The following SLC22A24 variants were observed in gnomAD, a reference collection of about 807,000 sequenced individuals.
The protein encoded by SLC22A24 is steroid transmembrane transporter SLC22A24.
Under a neutral mutation model 49.8 loss-of-function variants are expected in SLC22A24, and 53 were observed. That is an observed-to-expected ratio of 1.06 (90% CI 0.85 to 1.34). SLC22A24 has a LOEUF of 1.34. Ranked by LOEUF, SLC22A24 falls within the 40% of genes most tolerant of loss-of-function variation. SLC22A24 has a pLI of 0.00. For missense variants in SLC22A24, 786 were observed against 675.9 expected, an observed-to-expected ratio of 1.16 and a Z score of -1.81; for synonymous variants, 302 against 256.4, an observed-to-expected ratio of 1.18 and a Z score of -1.70.
intron 2 of SLC22A24, among the ~76,000 whole-genome samples, chr11:63,124,996 T>C (rs2087278770): frequency 6.6e-6 from 1 of 151,836 alleles, no homozygotes; most frequent in Non-Finnish European, 1.5e-5. Context: ...GAGATATACC[T>C]AATGCTAAAT....
intron 4 of SLC22A24, among the ~76,000 whole-genome samples, chr11:63,109,791 G>T (rs1382915600): frequency 4.6e-5 from 7 of 152,032 alleles, no homozygotes; most frequent in East Asian, 1.9e-4. Flanking sequence ...CTCCCATTTT[G>T]TAGGTTGCCT....
intron 1 of SLC22A24, among the ~76,000 whole-genome samples, chr11:63,140,919 G>T (rs908611759): frequency 1.3e-5 from 2 of 152,126 alleles, no homozygotes; most frequent in African/African-American, 4.8e-5. Flanking sequence ...AAAGTGAAAA[G>T]GTTTTGTAAA....
chr11:63,138,222 C>T (rs2087388920), intron 1 of SLC22A24, among the ~76,000 whole-genome samples: 1 of 152,134 alleles, frequency 6.6e-6, no homozygotes, highest in Non-Finnish European at 1.5e-5. Flanking sequence ...TCCTTAAGAG[C>T]TCAACCTTGT....
chr11:63,084,479 A>G (rs2086976527), intron 6 of SLC22A24, among the ~76,000 whole-genome samples: 1 of 152,160 alleles, frequency 6.6e-6, no homozygotes, highest in Admixed American at 6.6e-5. Context: ...AGCCAAATTG[A>G]TTAGCAGGGC....
At chr11:63,089,953 C>G (rs367820577) in intron 6 of SLC22A24, among the ~76,000 whole-genome samples, 1 of 151,428 alleles carries the variant, frequency 6.6e-6, no homozygotes, top group Non-Finnish European at 1.5e-5. Flanking sequence ...TGGTGGTGGG[C>G]GCCTGTCGTC....
In SLC22A24 at chr11:63,111,604, C is replaced by T. The variant is rs1201246189; in HGVS notation, c.831-7306G>A. 2.6e-5 allele frequency among the ~76,000 whole-genome samples: 4 copies of T among 151,404 alleles called. No individual in the cohort carries two copies. In the East Asian group the frequency reaches 5.8e-4, roughly 22 times the overall value. Reference sequence around the variant, plus strand: ...AGAGTGTATGTGTCGAGGAATTTATCCATTTCTTCTAGATTTTCTAGTTTA... The same window carrying T: ...AGAGTGTATGTGTCGAGGAATTTATTCATTTCTTCTAGATTTTCTAGTTTA... On this transcript the variant is annotated intron_variant, in intron 4 of 9. Transcript: ENST00000612278.
intron 4 of SLC22A24, among the ~76,000 whole-genome samples, chr11:63,105,932 A>G (rs2134652954): frequency 6.6e-6 from 1 of 151,998 alleles, no homozygotes; most frequent in East Asian, 1.9e-4. Flanking sequence ...TTTTCTTTTA[A>G]ATTTTATTAT....
chr11:63,110,291 G>A (rs928823320), intron 4 of SLC22A24, among the ~76,000 whole-genome samples: 15 of 152,030 alleles, frequency 9.9e-5, no homozygotes, highest in South Asian at 8.3e-4. Flanking sequence ...TGATGCCTCT[G>A]GCTTTGTTCT....
intron 5 of SLC22A24, among the ~76,000 whole-genome samples, chr11:63,098,140 G>T (rs1398457106): frequency 6.6e-6 from 1 of 152,008 alleles, no homozygotes; most frequent in African/African-American, 2.4e-5. Flanking sequence ...TACCACAGTG[G>T]AATAAAACTA....
intron 2 of SLC22A24, among the ~76,000 whole-genome samples, chr11:63,132,340 A>C (rs1481705366): frequency 6.6e-6 from 1 of 152,144 alleles, no homozygotes; most frequent in African/African-American, 2.4e-5. Context: ...AGCAGCTGTG[A>C]ACCTTTGGAG....
chr11:63,090,290 TAGAC>T (rs1317171241), intron 6 of SLC22A24, among the ~76,000 whole-genome samples: 4 of 151,810 alleles, frequency 2.6e-5, no homozygotes, highest in Non-Finnish European at 4.4e-5. Flanking sequence ...CTGTCAATAT[TAGAC>T]AGAGCAACAA....
At chr11:63,117,358 T>G (rs1181183201) in intron 4 of SLC22A24, among the ~76,000 whole-genome samples, 1 of 152,192 alleles carries the variant, frequency 6.6e-6, no homozygotes, top group Admixed American at 6.5e-5. Context: ...GCTCAGCTAT[T>G]AAGTTAGTTG....
intron 6 of SLC22A24, among the ~76,000 whole-genome samples, chr11:63,084,646 A>C (rs2086977375): frequency 1.3e-5 from 2 of 152,194 alleles, no homozygotes; most frequent in South Asian, 4.1e-4. Flanking sequence ...CATGCCCAGC[A>C]TCCAACAGTT....
At chr11:63,102,418 A>C (rs1005530121) in intron 5 of SLC22A24, among the ~76,000 whole-genome samples, 1 of 152,142 alleles carries the variant, frequency 6.6e-6, no homozygotes, top group Non-Finnish European at 1.5e-5. Context: ...TAGGATACTC[A>C]GATGCACTGG....
intron 4 of SLC22A24, among the ~76,000 whole-genome samples, chr11:63,106,067 G>C: frequency 6.7e-6 from 1 of 149,862 alleles, no homozygotes; most frequent in South Asian, 2.2e-4. Flanking sequence ...ATCTCCTAAA[G>C]CTATCCCTCC....
intron 2 of SLC22A24, among the ~76,000 whole-genome samples, chr11:63,120,754 G>C (rs2087246186): frequency 6.6e-6 from 1 of 151,992 alleles, no homozygotes; most frequent in Non-Finnish European, 1.5e-5. Context: ...TGTTACCCTA[G>C]TAGTATATTT....
Position 63,143,715 on chromosome 11 carries a change from G to A in SLC22A24, c.65C>T (p.Ala22Val). 6.5e-7 allele frequency: 1 copy of A among 1,532,222 alleles called. No individual in the cohort carries two copies. Among genetic ancestry groups the A allele is most frequent in the Non-Finnish European group, 8.8e-7 (1 of 1,140,836 alleles). 94.9% of individuals were successfully genotyped at this position (1,532,222 alleles called of 1,614,324 possible). A position where few individuals can be genotyped will look rare whatever the true frequency, so the allele number is the denominator to read the frequency against. ...GMGRFQICLIAFFCITNILLF... is the reference protein window; with the variant it reads ...GMGRFQICLIVFFCITNILLF... ...TAGGATGTTGGTGATGCAAAAGAAA[G>A]CTATCAGACAAATCTGGAATCTCCC... Residue 22 changes from alanine to valine, a missense_variant, in exon 1 of 10, where the codon GCT (alanine) becomes GTT (valine). Coordinates refer to ENST00000612278, the MANE Select transcript of SLC22A24 (RefSeq NM_001136506.2).
chr11:63,101,952 G>A (rs779031066), intron 5 of SLC22A24, among the ~76,000 whole-genome samples: 3 of 152,066 alleles, frequency 2.0e-5, no homozygotes, highest in Non-Finnish European at 4.4e-5. Flanking sequence ...AAGGGTAGTT[G>A]TGGAGGGGGA....
chr11:63,143,284 T>A (rs958707622), intron 1 of SLC22A24, 94 bp downstream of exon 1: 1 of 1,101,664 alleles, frequency 9.1e-7, no homozygotes, highest in Admixed American at 3.8e-5. Context: ...GCAGGTCCCA[T>A]CTAAGGACTA....
Sources: allele counts gnomAD v4.1 joint callset (sites outside exome capture counted in the v4.1 genomes callset), GRCh38; gene constraint gnomAD v4.1.1; transcripts MANE v1.5; gene names NCBI Gene and HGNC (gene_info 2026-07-23, HGNC 2026-07-21).